Variants in CCDC13 observed in about 807,000 individuals in gnomAD.
CCDC13 encodes coiled-coil domain-containing protein 13.
CCDC13 carries 70 observed loss-of-function variants against 87.3 expected under a neutral mutation model. The observed-to-expected ratio is 0.80, with a 90% confidence interval of 0.66 to 0.98. The LOEUF is 0.98. CCDC13 is among the 50% of genes least tolerant of loss of function. The pLI is 0.00. For synonymous variants in CCDC13, 317 were observed against 360.3 expected (o/e 0.88, Z 1.36); for missense variants, 842 against 892.0 (o/e 0.94, Z 0.71).
At chr3:42,758,075 A>C in intron 2 of CCDC13, 50 bp downstream of exon 2, 1 of 1,462,246 alleles carries the variant, frequency 6.8e-7, no homozygotes, top group South Asian at 1.1e-5. Context: ...ACACACACAC[A>C]CACACACACA....
At chr3:42,728,090 T>C (rs909983321) in intron 13 of CCDC13, among the ~76,000 whole-genome samples, 2 of 152,218 alleles carry the variant, frequency 1.3e-5, no homozygotes, top group African/African-American at 4.8e-5. Flanking sequence ...CTATTGTAAG[T>C]AACTAGAAAA....
intron 6 of CCDC13, chr3:42,746,537 C>T (rs1699398790): frequency 6.1e-6 from 1 of 165,148 alleles, no homozygotes; most frequent in Admixed American, 5.6e-5. Flanking sequence ...TGAAGTGCAG[C>T]ACTCAGGCCC....
chr3:42,747,425 T>C (rs1386510713), intron 5 of CCDC13, 52 bp from the exon 6 acceptor site: 1 of 1,178,794 alleles, frequency 8.5e-7, no homozygotes, highest in Admixed American at 1.7e-5. Context: ...TACATGGGAA[T>C]AGTAATCATA....
intron 15 of CCDC13, 70 bp downstream of exon 15, chr3:42,709,613 GT>G: frequency 8.2e-7 from 1 of 1,218,204 alleles, no homozygotes; most frequent in Non-Finnish European, 1.2e-6. Context: ...GAGGGACACA[GT>G]CCCTCTGCCC....
intron 1 of CCDC13, among the ~76,000 whole-genome samples, chr3:42,763,473 C>T (rs1159706220): frequency 1.3e-5 from 2 of 149,740 alleles, no homozygotes; most frequent in Admixed American, 6.7e-5. Context: ...CAAAAACAGT[C>T]AAACTCTGTA....
rs558203309 is a variant in CCDC13 at position 42,705,954 on chromosome 3, T to C, written c.*3026A>G. The C allele has an allele frequency of 6.6e-6, 1 of 152,298 alleles. No homozygotes were observed. Among genetic ancestry groups the C allele is most frequent in the East Asian group, 1.9e-4 (1 of 5,172 alleles). 9.4% of individuals were successfully genotyped at this position (152,298 alleles called of 1,614,324 possible). A position where few individuals can be genotyped will look rare whatever the true frequency, so the allele number is the denominator to read the frequency against. On this transcript the variant is annotated 3_prime_UTR_variant, in exon 16 of 16. Transcript: ENST00000310232. ...CTCTACCCAGATCTGATCAAGGAGG[T>C]TGGGAACTTGGGAACTGCCACAGGG...
rs989934729 is a variant in CCDC13, at chr3:42,765,600, G to T, written c.-6-7249C>A. ...TTTTTGTATTTTTAAAGCTTCCCAG[G>T]TGAGCCTAACGTTCAGCTGGTTTGA... On this transcript the variant is annotated intron_variant, in intron 1 of 15. Coordinates refer to ENST00000310232, the MANE Select transcript of CCDC13 (RefSeq NM_144719.4). Among the ~76,000 whole-genome samples, 4 of 152,264 alleles carry T rather than the reference G, an allele frequency of 2.6e-5. No homozygotes were observed. The East Asian group carries it at 7.7e-4, about 29-fold the overall frequency.
chr3:42,764,339 A>C lies in CCDC13; in HGVS notation c.-6-5988T>G, dbSNP rs114253036. On this transcript the variant is annotated intron_variant, in intron 1 of 15. Coordinates refer to ENST00000310232, the MANE Select transcript of CCDC13 (RefSeq NM_144719.4). ...TTTGGAGTGCCCTGGCTGAGAAGGA[A>C]GTCCATTCAGATGGATGGGGGGCCT... Among the ~76,000 whole-genome samples, 429 of 152,310 alleles carry C rather than the reference A, an allele frequency of 2.8e-3. 1 individual carries two copies. The highest frequency in any genetic ancestry group is 9.8e-3 in the African/African-American group (409 of 41,556).
chr3:42,732,649 C>A, intron 12 of CCDC13: 1 of 536,990 alleles, frequency 1.9e-6, no homozygotes, highest in Non-Finnish European at 3.3e-6. Flanking sequence ...GGTTAATTCT[C>A]ACGTAGCAGG....
chr3:42,761,814 C>T (rs904252857), intron 1 of CCDC13, among the ~76,000 whole-genome samples: 3 of 152,224 alleles, frequency 2.0e-5, no homozygotes, highest in African/African-American at 2.4e-5. Context: ...TTGACTTGCT[C>T]CTCTGTTCCT....
intron 13 of CCDC13, among the ~76,000 whole-genome samples, chr3:42,726,319 G>GGT (rs1698687349): frequency 6.6e-6 from 1 of 152,188 alleles, no homozygotes; most frequent in African/African-American, 2.4e-5. Flanking sequence ...TGGGATTACA[G>GGT]GCATGAGCCA....
intron 3 of CCDC13, among the ~76,000 whole-genome samples, chr3:42,754,384 C>G (rs1350312391): frequency 6.6e-6 from 1 of 152,074 alleles, no homozygotes; most frequent in Non-Finnish European, 1.5e-5. Context: ...GGGAGACAGG[C>G]CCCATTCAGC....
intron 3 of CCDC13, among the ~76,000 whole-genome samples, chr3:42,754,044 T>C (rs1050538302): frequency 6.6e-6 from 1 of 152,200 alleles, no homozygotes; most frequent in Non-Finnish European, 1.5e-5. Context: ...ATCTGTGCAA[T>C]GGCAGAGGTG....
chr3:42,725,791 G>T (rs28508577), intron 13 of CCDC13, among the ~76,000 whole-genome samples: 1 of 151,724 alleles, frequency 6.6e-6, no homozygotes, highest in South Asian at 2.1e-4. Flanking sequence ...ACAGAAACAC[G>T]GTCATCACCT....
intron 8 of CCDC13, among the ~76,000 whole-genome samples, chr3:42,741,341 T>A (rs1007141172): frequency 3.9e-5 from 6 of 152,124 alleles, no homozygotes; most frequent in Non-Finnish European, 8.8e-5. Context: ...GTCTCCAGGA[T>A]TACTATTCTG....
At position 42,706,349 on chromosome 3, in the gene CCDC13, T is replaced by C. The variant is rs1698178795; in HGVS notation, c.*2631A>G. The C allele has an allele frequency of 6.6e-6, 1 of 152,266 alleles. No individual in the cohort carries two copies. Among genetic ancestry groups the C allele is most frequent in the Non-Finnish European group, 1.5e-5 (1 of 68,058 alleles). The allele number at this position is 152,266 out of a possible 1,614,324, so 9.4% of individuals were successfully genotyped here. A position where few individuals can be genotyped will look rare whatever the true frequency, so the allele number is the denominator to read the frequency against. Reference sequence around the variant, plus strand: ...CTGGTTGAACAAATGGAGGGAACACTAAGAGCGAATAATTATTAAGCGCTT... The same window carrying C: ...CTGGTTGAACAAATGGAGGGAACACCAAGAGCGAATAATTATTAAGCGCTT... On this transcript the variant is annotated 3_prime_UTR_variant, in exon 16 of 16. Coordinates refer to ENST00000310232, the MANE Select transcript of CCDC13 (RefSeq NM_144719.4).
chr3:42,735,707 G>A lies in CCDC13; in HGVS notation c.1371C>T (p.His457=), dbSNP rs551175692. 3.8e-5 allele frequency: 61 copies of A among 1,613,990 alleles called. No homozygotes were observed. Among genetic ancestry groups the A allele is most frequent in the Middle Eastern group, 1.7e-4 (1 of 6,056 alleles). The change falls in exon 10 of 16, where the codon CAC becomes CAT. Residue 457 remains histidine (H), a splice_region_variant and synonymous_variant. Coordinates refer to ENST00000310232, the MANE Select transcript of CCDC13 (RefSeq NM_144719.4). ...LEMEIGQLNV[H]YLRNKGVGEG... ...TGGGCGCTGCCAGTGCCCTACTCAC[G>A]TGCACATTGAGTTGTCCGATCTCCA... is the stretch of plus-strand genomic sequence containing the variant.
At chr3:42,720,910 C>T (rs1319415675) in intron 13 of CCDC13, among the ~76,000 whole-genome samples, 8 of 152,062 alleles carry the variant, frequency 5.3e-5, no homozygotes, top group Admixed American at 5.2e-4. Flanking sequence ...AGAATCTCAC[C>T]TTATGTTCAA....
chr3:42,718,663 T>A (rs926344807), intron 13 of CCDC13, among the ~76,000 whole-genome samples: 11 of 152,078 alleles, frequency 7.2e-5, no homozygotes, highest in Admixed American at 5.9e-4. Context: ...GCATAAGTGT[T>A]GGGGTCCTGT....
Sources: allele counts gnomAD v4.1 joint callset (sites outside exome capture counted in the v4.1 genomes callset), GRCh38; gene constraint gnomAD v4.1.1; transcripts MANE v1.5; gene names NCBI Gene and HGNC (gene_info 2026-07-23, HGNC 2026-07-21).